The following SNX29 variants were observed in gnomAD, a reference collection of about 807,000 sequenced individuals.
The protein encoded by SNX29 is sorting nexin 29, also known as sorting nexin-29.
A neutral mutation model predicts 102.1 loss-of-function variants in SNX29; 78 were observed. That is an observed-to-expected ratio of 0.76 (90% CI 0.64 to 0.92). The LOEUF is 0.92. Among genes scored for constraint, SNX29 ranks in the 40% least tolerant of loss-of-function variants. The pLI, the probability that SNX29 is intolerant of heterozygous loss-of-function variation, is 0.00. For synonymous variants in SNX29, 580 were observed against 414.5 expected, an observed-to-expected ratio of 1.40 and a Z score of -4.85; for missense variants, 1,280 against 1,061.7, an observed-to-expected ratio of 1.21 and a Z score of -2.86.
chr16:11,986,176 C>A (rs1314339285), intron 1 of SNX29, among the ~76,000 whole-genome samples: 1 of 151,926 alleles, frequency 6.6e-6, no homozygotes, highest in East Asian at 1.9e-4. Flanking sequence ...AGTTTGAATC[C>A]TGCAAGGGGA....
intron 15 of SNX29, among the ~76,000 whole-genome samples, chr16:12,286,990 C>A (rs534510061): frequency 6.6e-6 from 1 of 152,282 alleles, no homozygotes; most frequent in Non-Finnish European, 1.5e-5. Context: ...GTTGGAGTAT[C>A]AGGGAGAGGA....
At chr16:12,228,303 G>C (rs2077674287) in intron 14 of SNX29, among the ~76,000 whole-genome samples, 1 of 152,164 alleles carries the variant, frequency 6.6e-6, no homozygotes, top group South Asian at 2.1e-4. Context: ...AATCAAACAG[G>C]ATACTTTTCC....
chr16:12,170,766 A>AGTG (rs2076130550), intron 13 of SNX29, among the ~76,000 whole-genome samples: 1 of 110,776 alleles, frequency 9.0e-6, no homozygotes, highest in African/African-American at 7.9e-5. Context: ...GTGTGAGAGG[A>AGTG]GTGTGAGTGT....
chr16:12,501,049 C>T (rs529218302), intron 19 of SNX29, among the ~76,000 whole-genome samples: 1 of 152,144 alleles, frequency 6.6e-6, no homozygotes, highest in East Asian at 1.9e-4. Context: ...CAGGAAGCTC[C>T]CAGCTGCAGG....
In SNX29 at chr16:12,520,411, C is replaced by T. The variant is rs568342935; in HGVS notation, c.2179-4291C>T. ...GTACTGGGGAGGCTGTCCCTGCTGC[C>T]TGATGGAAGGCCCTGCTCAGCCACC... On this transcript the variant is annotated intron_variant, in intron 19 of 20. Transcript: ENST00000566228. 2.6e-5 allele frequency among the ~76,000 whole-genome samples: 4 copies of T among 152,176 alleles called. No homozygotes were observed. In the South Asian group the frequency reaches 8.3e-4, roughly 32 times the overall value.
chr16:12,236,946 G>T (rs1322630097), intron 14 of SNX29, among the ~76,000 whole-genome samples: 1 of 152,230 alleles, frequency 6.6e-6, no homozygotes, highest in South Asian at 2.1e-4. Flanking sequence ...AAGCCGGGTG[G>T]GGAGTAAAGG....
intron 15 of SNX29, among the ~76,000 whole-genome samples, chr16:12,311,596 C>G (rs2080550520): frequency 6.6e-6 from 1 of 152,258 alleles, no homozygotes; most frequent in African/African-American, 2.4e-5. Context: ...TAGGTCTGAG[C>G]CCTCCCTTCC....
chr16:12,097,451 G>T (rs577787922), intron 11 of SNX29, among the ~76,000 whole-genome samples: 111 of 152,302 alleles, frequency 7.3e-4, no homozygotes, highest in Middle Eastern at 3.4e-3. Context: ...GCCTCACCAG[G>T]CTCTCACTTG....
At chr16:12,485,693 A>G (rs2151846104) in intron 19 of SNX29, among the ~76,000 whole-genome samples, 1 of 152,280 alleles carries the variant, frequency 6.6e-6, no homozygotes, top group East Asian at 1.9e-4. Flanking sequence ...TGCTGGGTGC[A>G]GGGGCATTGA....
At chr16:12,557,596 A>T (rs1245260449) in intron 20 of SNX29, 1 of 152,178 alleles carries the variant, frequency 6.6e-6, no homozygotes, top group Non-Finnish European at 1.5e-5. Flanking sequence ...TCCTGACCTC[A>T]AATGACCCAT....
chr16:12,571,929 G>C lies in SNX29; in HGVS notation c.*3300G>C. ...TTCTCTACTGGCAGGCCCTGGTGAAGGAAGACACTTTCAGGGAAGAGGCTC... is the reference window on the plus strand; with the variant it reads ...TTCTCTACTGGCAGGCCCTGGTGAACGAAGACACTTTCAGGGAAGAGGCTC... On this transcript the variant is annotated 3_prime_UTR_variant, in exon 21 of 21. Coordinates refer to ENST00000566228, the MANE Select transcript of SNX29 (RefSeq NM_032167.5). 4.7e-6 allele frequency: 5 copies of C among 1,062,154 alleles called. No homozygotes were observed. The South Asian group carries it at 1.8e-4, about 39-fold the overall frequency. 65.8% of individuals were successfully genotyped at this position (1,062,154 alleles called of 1,614,324 possible). A position where few individuals can be genotyped will look rare whatever the true frequency, so the allele number is the denominator to read the frequency against.
intron 11 of SNX29, among the ~76,000 whole-genome samples, chr16:12,118,961 G>T (rs350209): frequency 2.6e-5 from 4 of 152,008 alleles, no homozygotes; most frequent in African/African-American, 4.8e-5. Flanking sequence ...TAAAAATGGC[G>T]GTGCAAATGT....
chr16:12,517,916 A>G (rs9931578), intron 19 of SNX29, among the ~76,000 whole-genome samples: 57,281 of 151,904 alleles, frequency 0.38, 13,103 homozygotes, highest in African/African-American at 0.65. Context: ...AGATGAAGAC[A>G]GGAGACATCA....
At chr16:12,506,296 G>C (rs1011145541) in intron 19 of SNX29, among the ~76,000 whole-genome samples, 1 of 152,128 alleles carries the variant, frequency 6.6e-6, no homozygotes, top group African/African-American at 2.4e-5. Flanking sequence ...ACTGTATCCA[G>C]GGGGACAACA....
chr16:11,983,614 C>T, intron 1 of SNX29: 1 of 983,390 alleles, frequency 1.0e-6, no homozygotes, highest in Non-Finnish European at 1.2e-6. Context: ...CATGTTCTAC[C>T]ATCAGCAAAC....
intron 4 of SNX29, chr16:12,029,667 C>T (rs547168929): frequency 4.4e-4 from 199 of 450,144 alleles, no homozygotes; most frequent in Admixed American, 2.1e-3. Context: ...TCTCAGCTCA[C>T]TGCAACCTCT....
intron 18 of SNX29, among the ~76,000 whole-genome samples, chr16:12,466,979 A>C (rs1462617710): frequency 6.6e-6 from 1 of 152,170 alleles, no homozygotes; most frequent in Non-Finnish European, 1.5e-5. Flanking sequence ...CTGGACCAGA[A>C]ATTCAGTGAG....
chr16:12,101,284 T>C (rs1377995476), intron 11 of SNX29, among the ~76,000 whole-genome samples: 1 of 137,950 alleles, frequency 7.2e-6, no homozygotes, highest in Non-Finnish European at 1.5e-5. Flanking sequence ...CTAATGTACC[T>C]TTGTGGCCCC....
intron 1 of SNX29, among the ~76,000 whole-genome samples, chr16:11,997,413 A>C (rs1439224235): frequency 6.7e-6 from 1 of 150,134 alleles, no homozygotes; most frequent in African/African-American, 2.5e-5. Context: ...CTATCCCATC[A>C]CTGTGTTTGT....
Sources: gnomAD v4.1 joint callset for allele counts (sites outside exome capture counted in the v4.1 genomes callset) on GRCh38, gnomAD v4.1.1 for gene constraint, MANE v1.5 for transcripts, NCBI Gene and HGNC (gene_info 2026-07-23, HGNC 2026-07-21) for gene names.